The following TDRD9 variants were observed in gnomAD, a reference collection of about 807,000 sequenced individuals.
TDRD9 encodes ATP-dependent RNA helicase TDRD9.
A neutral mutation model predicts 172.6 loss-of-function variants in TDRD9; 124 were observed. The observed-to-expected ratio is 0.72, with a 90% CI of 0.62 to 0.83. The LOEUF (loss-of-function observed/expected upper bound fraction) is 0.83, where lower values mean the gene tolerates loss of function less well. Ranked by LOEUF, TDRD9 falls within the 40% of genes least tolerant of loss-of-function variation. The pLI is 0.00. For synonymous variants in TDRD9, 619 were observed against 617.1 expected (o/e 1.00, Z -0.05); for missense variants, 1,479 against 1,714.1 (o/e 0.86, Z 2.42).
intron 7 of TDRD9, among the ~76,000 whole-genome samples, chr14:103,979,660 G>T (rs1347655187): frequency 2.6e-5 from 4 of 152,178 alleles, no homozygotes; most frequent in Non-Finnish European, 5.9e-5. Flanking sequence ...GGAATCAAAT[G>T]TCAACATGAG....
chr14:104,029,389 A>G (rs1338355436), intron 28 of TDRD9, among the ~76,000 whole-genome samples: 1 of 152,074 alleles, frequency 6.6e-6, no homozygotes, highest in Non-Finnish European at 1.5e-5. Context: ...TATAGAGATC[A>G]TTCACCTCCT....
rs754829828 is a variant in TDRD9, at chr14:104,026,936, C to T, written c.3279C>T (p.Ser1093=). Residue 1093 remains serine (S), a synonymous_variant, in exon 28 of 36, where the codon TCC becomes TCT. Coordinates refer to ENST00000409874, the MANE Select transcript of TDRD9 (RefSeq NM_153046.3). ...YAELTEESYE[S]KQSHEVLKGL... is the part of the protein sequence containing the mutation. ...AGCTCACGGAGGAGTCCTACGAGTC[C>T]AAGGTGTGTGCTTTCGCCGTTGCTG... 157 of 1,612,830 alleles carry T rather than the reference C, an allele frequency of 9.7e-5. 1 individual carries two copies. Among genetic ancestry groups the T allele is most frequent in the South Asian group, 8.0e-4 (73 of 91,054 alleles).
chr14:104,040,018 CTA>C lies in TDRD9; in HGVS notation c.3717-174_3717-173del, dbSNP rs923902347. On this transcript the variant is annotated intron_variant, in intron 32 of 35. Coordinates refer to ENST00000409874, the MANE Select transcript of TDRD9 (RefSeq NM_153046.3). ...AATACTGAATTTACTATTCTTATAA[CTA>C]TATTTTATAACTATATTTTGATTGT... is the stretch of plus-strand genomic sequence containing the variant. 4.4e-3 allele frequency among the ~76,000 whole-genome samples: 660 copies of C among 151,616 alleles called. 6 individuals are homozygous for C. The highest frequency in any genetic ancestry group is 0.015 in the African/African-American group (635 of 41,438).
In TDRD9 at chr14:103,970,550, CGAACA is replaced by C. The variant is rs774726165; in HGVS notation, c.779_783del (p.Thr260ArgfsTer32). On this transcript the variant is annotated frameshift_variant, in exon 6 of 36. Transcript: ENST00000409874. LOFTEE classifies it high-confidence loss of function. ...CTTTTTTATTTTGTAGGTACACGAA[CGAACA>C]GAAGAAATGGATTTCCTGCTATTGG... The C allele has an allele frequency of 1.9e-6, 3 of 1,551,456 alleles. No homozygotes were observed. The highest frequency in any genetic ancestry group is 2.6e-6 in the Non-Finnish European group (3 of 1,146,796).
chr14:103,946,280 T>G (rs1044631593), intron 1 of TDRD9, among the ~76,000 whole-genome samples: 1 of 152,228 alleles, frequency 6.6e-6, no homozygotes, highest in Non-Finnish European at 1.5e-5. Flanking sequence ...TGTTTTTAAT[T>G]CATTTTGCTA....
At chr14:104,017,100 C>T (rs1297701998) in intron 22 of TDRD9, among the ~76,000 whole-genome samples, 2 of 152,058 alleles carry the variant, frequency 1.3e-5, no homozygotes, top group Non-Finnish European at 2.9e-5. Context: ...TCAGGTTTGA[C>T]TAAGCTCTTT....
At chr14:103,986,372 AATT>A in intron 8 of TDRD9, 52 bp downstream of exon 8, 1 of 1,332,148 alleles carries the variant, frequency 7.5e-7, no homozygotes, top group Non-Finnish European at 1.0e-6. Flanking sequence ...TGATTTAAAA[AATT>A]ATTCATTTGG....
intron 23 of TDRD9, among the ~76,000 whole-genome samples, chr14:104,018,550 C>A (rs1276069541): frequency 6.6e-6 from 1 of 152,090 alleles, no homozygotes; most frequent in East Asian, 1.9e-4. Context: ...ATTTTGTGGG[C>A]CATGAAGGTG....
intron 13 of TDRD9, among the ~76,000 whole-genome samples, 194 bp from the exon 14 acceptor site, chr14:104,004,044 T>G (rs1168818856): frequency 6.6e-6 from 1 of 152,226 alleles, no homozygotes; most frequent in Non-Finnish European, 1.5e-5. Context: ...TAGTCATTCT[T>G]ATTTAGAATA....
intron 28 of TDRD9, 90 bp from the exon 29 acceptor site, chr14:104,031,018 A>G (rs771087117): frequency 1.7e-5 from 20 of 1,168,362 alleles, no homozygotes; most frequent in Non-Finnish European, 2.3e-5. Flanking sequence ...AATCAGAGTA[A>G]CACTGTGCCT....
At chr14:104,050,895 T>C (rs2035919047) in intron 35 of TDRD9, among the ~76,000 whole-genome samples, 2 of 152,252 alleles carry the variant, frequency 1.3e-5, no homozygotes, top group Non-Finnish European at 2.9e-5. Context: ...GCAATTACCA[T>C]CCACATTTAC....
chr14:103,956,111 AATATATATATATATATATATAT>A lies in TDRD9; in HGVS notation c.322+359_322+380del, dbSNP rs1173008862. On this transcript the variant is annotated intron_variant, in intron 2 of 35. Coordinates refer to ENST00000409874, the MANE Select transcript of TDRD9 (RefSeq NM_153046.3). ...AAAAAAAAAAAAAAAAAAAAAAAAA[AATATATATATATATATATATAT>A]ATATATATATATATATAATTATTAG... is the stretch of plus-strand genomic sequence containing the variant. Among the ~76,000 whole-genome samples, 17 of 18,364 alleles carry A rather than the reference AATATATATATATATATATATAT, an allele frequency of 9.3e-4. 1 individual carries two copies. Among genetic ancestry groups the A allele is most frequent in the African/African-American group, 4.6e-3 (17 of 3,666 alleles). 12.0% of individuals were successfully genotyped at this position (18,364 alleles called of 152,430 possible).
In TDRD9 at chr14:103,965,410, G is replaced by T; in HGVS notation, c.498G>T (p.Pro166=). The T allele has an allele frequency of 6.4e-7, 1 of 1,551,658 alleles. No individual in the cohort carries two copies. The highest frequency in any genetic ancestry group is 8.7e-7 in the Non-Finnish European group (1 of 1,147,000). The change falls in exon 4 of 36, where the codon CCG becomes CCT. Residue 166 remains proline (P), a synonymous_variant. Transcript: ENST00000409874. ...ATGSGKSTQL[P]QYILDHYVQR... ...GAAGCGGTAAAAGCACTCAGCTCCC[G>T]CAGTATATCTTGGACCACTACGTTC...
Position 103,986,765 on chromosome 14 carries a change from T to G in TDRD9, c.1115+445T>G, listed in dbSNP as rs562269295. 1.2e-4 allele frequency among the ~76,000 whole-genome samples: 19 copies of G among 152,342 alleles called. No homozygotes were observed. The South Asian group carries it at 3.9e-3, about 32-fold the overall frequency. On this transcript the variant is annotated intron_variant, in intron 8 of 35. Transcript: ENST00000409874. ...TTCATTTAGCTGGTTCTTTGAAAAT[T>G]GGAACATTTTCCCTGAGGAACAGTT...
intron 33 of TDRD9, 48 bp from the exon 34 acceptor site, chr14:104,042,021 C>G: frequency 8.4e-7 from 1 of 1,196,864 alleles, no homozygotes. Context: ...GGATGAAATT[C>G]AGTTACGACG....
At chr14:103,937,625 T>C (rs2030854313) in intron 1 of TDRD9, among the ~76,000 whole-genome samples, 1 of 152,082 alleles carries the variant, frequency 6.6e-6, no homozygotes, top group Non-Finnish European at 1.5e-5. Context: ...CCCTCCCCCA[T>C]CCCAAGGGGG....
At chr14:103,968,424 GA>G (rs1164344917) in intron 5 of TDRD9, among the ~76,000 whole-genome samples, 1 of 152,156 alleles carries the variant, frequency 6.6e-6, no homozygotes, top group East Asian at 1.9e-4. Context: ...ACAAATACAA[GA>G]ACAAAAGTTG....
At position 104,006,419 on chromosome 14, in the gene TDRD9, G is replaced by C; in HGVS notation, c.1744G>C (p.Glu582Gln). 6.2e-7 allele frequency: 1 copy of C among 1,613,842 alleles called. No individual in the cohort carries two copies. The highest frequency in any genetic ancestry group is 8.5e-7 in the Non-Finnish European group (1 of 1,179,834). Residue 582 changes from glutamate to glutamine, a missense_variant, in exon 16 of 36, where the codon GAA (glutamate) becomes CAA (glutamine). Glu to Gln is a conservative substitution (Grantham distance 29). This residue lies in a region of TDRD9 where 1,413 missense variants were observed against 1,649.1 expected (regional missense o/e 0.86). Coordinates refer to ENST00000409874, the MANE Select transcript of TDRD9 (RefSeq NM_153046.3). The stretch of plus-strand genomic sequence containing the variant: ...AGCACTTGCAGTGAGTGGGCAGAGA[G>C]AAGATGAAAACCCCCATGATGGTGA... The part of the protein sequence containing the change: ...VGALAVSGQR[E>Q]DENPHDGELT...
chr14:103,976,959 C>T (rs991982121), intron 7 of TDRD9, among the ~76,000 whole-genome samples: 15 of 151,246 alleles, frequency 9.9e-5, no homozygotes, highest in East Asian at 8.0e-4. Flanking sequence ...TGGGCTCAAG[C>T]GGTCCTCCTG....
Sources: gnomAD v4.1 joint callset for allele counts (sites outside exome capture counted in the v4.1 genomes callset) on GRCh38, gnomAD v4.1.1 for gene constraint, gnomAD v4.1.1 regional missense constraint, MANE v1.5 for transcripts, NCBI Gene and HGNC (gene_info 2026-07-23, HGNC 2026-07-21) for gene names.